Variants in PDGFD observed in about 807,000 individuals in gnomAD.
PDGFD encodes platelet-derived growth factor D.
A neutral mutation model predicts 44.7 loss-of-function variants in PDGFD; 30 were observed. That is an observed-to-expected ratio of 0.67 (90% CI 0.50 to 0.91). The LOEUF (loss-of-function observed/expected upper bound fraction) is 0.91. Ranked by LOEUF, PDGFD falls within the 40% of genes least tolerant of loss-of-function variation. The pLI is 0.00. For synonymous variants in PDGFD, 173 were observed against 168.4 expected, an observed-to-expected ratio of 1.03 and a Z score of -0.21; for missense variants, 445 against 457.8, an observed-to-expected ratio of 0.97 and a Z score of 0.25.
At chr11:103,919,480 C>A (rs1858175279) in intron 6 of PDGFD, among the ~76,000 whole-genome samples, 1 of 145,946 alleles carries the variant, frequency 6.9e-6, no homozygotes. Flanking sequence ...AAACCCAAAT[C>A]ATTAAGAGTT....
rs932223014 is a variant in PDGFD, at chr11:104,115,840, G to A, written c.124+47964C>T. 4.6e-5 allele frequency among the ~76,000 whole-genome samples: 7 copies of A among 151,986 alleles called. No individual in the cohort carries two copies. In the East Asian group the frequency reaches 1.2e-3, roughly 25 times the overall value. ...GTTGGCCATTTGTATATCTTCTTTTGAGAACTGTCTATTCATGTCCTTAGC... is the reference window on the plus strand; with the variant it reads ...GTTGGCCATTTGTATATCTTCTTTTAAGAACTGTCTATTCATGTCCTTAGC... On this transcript the variant is annotated intron_variant, in intron 1 of 6. Transcript: ENST00000393158.
At chr11:103,969,137 G>A (rs190700041) in intron 3 of PDGFD, among the ~76,000 whole-genome samples, 5 of 152,206 alleles carry the variant, frequency 3.3e-5, no homozygotes, top group Non-Finnish European at 2.9e-5. Flanking sequence ...TCATGCTTAC[G>A]CAGCTGCCAG....
rs140226034 is a variant in PDGFD, at chr11:103,952,990, G to A, written c.511-5266C>T. ...TCTATGAGAAAAGTGTTACAGACTC[G>A]AAAGTTAGGGAGATGTGTACAAATA... On this transcript the variant is annotated intron_variant, in intron 3 of 6. Transcript: ENST00000393158. 8.6e-3 allele frequency among the ~76,000 whole-genome samples: 1,307 copies of A among 152,238 alleles called. 20 individuals are homozygous for A. The highest frequency in any genetic ancestry group is 0.03 in the African/African-American group (1,255 of 41,554).
At chr11:104,110,746 G>A (rs1861542370) in intron 1 of PDGFD, among the ~76,000 whole-genome samples, 1 of 152,150 alleles carries the variant, frequency 6.6e-6, no homozygotes, top group Non-Finnish European at 1.5e-5. Context: ...AGCTCTGACC[G>A]TGGCTTGGTG....
At chr11:104,028,177 G>C (rs1221732057) in intron 1 of PDGFD, among the ~76,000 whole-genome samples, 3 of 134,324 alleles carry the variant, frequency 2.2e-5, no homozygotes, top group Non-Finnish European at 3.2e-5. Flanking sequence ...GCAACAGAGC[G>C]AGACTCCGTC....
chr11:104,077,133 C>T (rs1363421092), intron 1 of PDGFD, among the ~76,000 whole-genome samples: 1 of 152,136 alleles, frequency 6.6e-6, no homozygotes, highest in Non-Finnish European at 1.5e-5. Context: ...AATCCACACA[C>T]TGTTCAGTGT....
chr11:103,978,541 T>G (rs988223497), intron 3 of PDGFD, among the ~76,000 whole-genome samples: 7 of 129,726 alleles, frequency 5.4e-5, no homozygotes, highest in African/African-American at 2.0e-4. Context: ...GCCTACTGAG[T>G]TTTTTTTAAT....
intron 1 of PDGFD, among the ~76,000 whole-genome samples, chr11:104,119,223 G>A (rs371210124): frequency 3.9e-4 from 4 of 10,180 alleles, no homozygotes; most frequent in East Asian, 4.6e-3. Flanking sequence ...ATAATATATT[G>A]ATATAATATA....
intron 1 of PDGFD, among the ~76,000 whole-genome samples, chr11:104,113,237 C>T (rs989171373): frequency 1.3e-5 from 2 of 152,064 alleles, no homozygotes; most frequent in Non-Finnish European, 2.9e-5. Flanking sequence ...CATGATTGAA[C>T]ACCTCTTTTT....
At chr11:104,097,370 A>G (rs1470984105) in intron 1 of PDGFD, among the ~76,000 whole-genome samples, 1 of 152,178 alleles carries the variant, frequency 6.6e-6, no homozygotes, top group Non-Finnish European at 1.5e-5. Flanking sequence ...CCAATCCTTT[A>G]CAATGCAGTA....
chr11:104,100,802 C>T (rs1030296483), intron 1 of PDGFD, among the ~76,000 whole-genome samples: 3 of 152,236 alleles, frequency 2.0e-5, no homozygotes, highest in Admixed American at 2.0e-4. Flanking sequence ...CAACATAACG[C>T]AAATCAATAA....
Position 104,103,462 on chromosome 11 carries a change from G to GTA in PDGFD, c.124+60340_124+60341dup, listed in dbSNP as rs58684985. Among the ~76,000 whole-genome samples, 688 of 133,158 alleles carry GTA rather than the reference G, an allele frequency of 5.2e-3. 5 individuals are homozygous for GTA. Among genetic ancestry groups the GTA allele is most frequent in the African/African-American group, 0.014 (492 of 36,056 alleles). The allele number at this position is 133,158 out of a possible 152,430, so 87.4% of individuals were successfully genotyped here. A position where few individuals can be genotyped will look rare whatever the true frequency, so the allele number is the denominator to read the frequency against. On this transcript the variant is annotated intron_variant, in intron 1 of 6. Transcript: ENST00000393158. ...AACAGACAATTATGTGTGTGTGTGTGTATATATATATATATATATATATAT... is the reference window on the plus strand; with the variant it reads ...AACAGACAATTATGTGTGTGTGTGTGTATATATATATATATATATATATATAT...
chr11:103,999,959 G>T, intron 2 of PDGFD, 92 bp downstream of exon 2: 3 of 1,140,406 alleles, frequency 2.6e-6, no homozygotes, highest in South Asian at 1.4e-5. Flanking sequence ...CATTTAAAAG[G>T]CTCAAAAGGA....
intron 1 of PDGFD, among the ~76,000 whole-genome samples, chr11:104,121,905 T>C (rs1861783647): frequency 6.6e-6 from 1 of 152,068 alleles, no homozygotes; most frequent in Non-Finnish European, 1.5e-5. Flanking sequence ...TTTGGAGGAA[T>C]ATTATCTAAT....
At chr11:103,960,314 C>T (rs550902094) in intron 3 of PDGFD, among the ~76,000 whole-genome samples, 5 of 152,284 alleles carry the variant, frequency 3.3e-5, no homozygotes, top group South Asian at 2.1e-4. Context: ...TTATTGCCCA[C>T]GCCCAAGGAT....
intron 1 of PDGFD, among the ~76,000 whole-genome samples, chr11:104,094,596 A>T (rs887924550): frequency 1.3e-5 from 2 of 152,130 alleles, no homozygotes; most frequent in Admixed American, 6.6e-5. Flanking sequence ...ATTAGTGCTC[A>T]ATCTTGAAGT....
chr11:103,931,398 G>A (rs983085945), intron 5 of PDGFD, among the ~76,000 whole-genome samples: 1 of 152,160 alleles, frequency 6.6e-6, no homozygotes, highest in Non-Finnish European at 1.5e-5. Context: ...TGGTCAACAA[G>A]AGGATGGTTT....
At chr11:104,127,268 G>T (rs1241875223) in intron 1 of PDGFD, among the ~76,000 whole-genome samples, 1 of 152,088 alleles carries the variant, frequency 6.6e-6, no homozygotes, top group Non-Finnish European at 1.5e-5. Flanking sequence ...GAATTGCCTG[G>T]ACATCTTTTG....
At chr11:104,026,117 C>T (rs1313421305) in intron 1 of PDGFD, among the ~76,000 whole-genome samples, 3 of 152,176 alleles carry the variant, frequency 2.0e-5, no homozygotes, top group African/African-American at 4.8e-5. Context: ...TCCTGACCTC[C>T]ACCTGATGAA....
Sources: gnomAD v4.1 joint callset for allele counts (sites outside exome capture counted in the v4.1 genomes callset) on GRCh38, gnomAD v4.1.1 for gene constraint, MANE v1.5 for transcripts, NCBI Gene and HGNC (gene_info 2026-07-23, HGNC 2026-07-21) for gene names.